DCC: variants seen among roughly 807,000 people sequenced by gnomAD.
DCC encodes the protein DCC netrin 1 receptor, also known as netrin receptor DCC.
Under a neutral mutation model 172.5 loss-of-function variants are expected in DCC, and 58 were observed. The observed-to-expected ratio is 0.34, with a 90% CI of 0.27 to 0.42. The LOEUF (loss-of-function observed/expected upper bound fraction) is 0.42, where lower values mean the gene tolerates loss of function less well. DCC is among the 10% of genes least tolerant of loss of function. The pLI is 1.00. For missense variants in DCC, 1,740 were observed against 1,791.0 expected (o/e 0.97, Z 0.51); for synonymous variants, 709 against 644.5 (o/e 1.10, Z -1.52).
intron 1 of DCC, among the ~76,000 whole-genome samples, chr18:52,524,647 C>T (rs1485465776): frequency 6.6e-6 from 1 of 152,104 alleles, no homozygotes; most frequent in African/African-American, 2.4e-5. Flanking sequence ...AAGAATAAAT[C>T]AATTATATGC....
In DCC at chr18:53,159,814, C is replaced by T. The variant is rs144576475; in HGVS notation, c.1418+2302C>T. Among the ~76,000 whole-genome samples the T allele has an allele frequency of 8.0e-3, 1,215 of 152,028 alleles. 17 individuals are homozygous for T. Among genetic ancestry groups the T allele is most frequent in the African/African-American group, 0.027 (1,122 of 41,478 alleles). ...TCTGTATTTAATAATGTATTAAATA[C>T]GAATAATACTTTTTTGGTAAAAGGA... On this transcript the variant is annotated intron_variant, in intron 8 of 28. Coordinates refer to ENST00000442544, the MANE Select transcript of DCC (RefSeq NM_005215.4).
At chr18:52,820,109 C>G (rs1203717315) in intron 2 of DCC, among the ~76,000 whole-genome samples, 1 of 152,132 alleles carries the variant, frequency 6.6e-6, no homozygotes, top group Non-Finnish European at 1.5e-5. Flanking sequence ...TGGTTTCATT[C>G]ACCCCACTTG....
chr18:52,438,092 C>G (rs1295918851), intron 1 of DCC, among the ~76,000 whole-genome samples: 1 of 152,182 alleles, frequency 6.6e-6, no homozygotes. Flanking sequence ...TTGCTGCTAA[C>G]CATTCCCAGT....
intron 7 of DCC, among the ~76,000 whole-genome samples, chr18:53,102,463 G>A (rs772696572): frequency 1.3e-5 from 2 of 152,104 alleles, no homozygotes; most frequent in South Asian, 4.2e-4. Context: ...CTCTGCAAGG[G>A]TGTCTATATT....
At chr18:53,092,549 T>G (rs1158282941) in intron 7 of DCC, among the ~76,000 whole-genome samples, 1 of 152,134 alleles carries the variant, frequency 6.6e-6, no homozygotes, top group East Asian at 1.9e-4. Context: ...AATAAAAATC[T>G]CCTAGGTAGA....
At chr18:53,104,134 T>C (rs561334326) in intron 7 of DCC, among the ~76,000 whole-genome samples, 1 of 152,188 alleles carries the variant, frequency 6.6e-6, no homozygotes, top group Non-Finnish European at 1.5e-5. Flanking sequence ...TGGTGCAGCA[T>C]GGCAGTGATC....
intron 5 of DCC, among the ~76,000 whole-genome samples, chr18:52,975,862 G>T (rs887496674): frequency 2.6e-5 from 4 of 152,054 alleles, no homozygotes; most frequent in Non-Finnish European, 4.4e-5. Flanking sequence ...TTATTTCTTT[G>T]GGTATATACG....
At position 53,416,121 on chromosome 18, in the gene DCC, C is replaced by T; in HGVS notation, c.3131-3C>T. The T allele has an allele frequency of 6.2e-7, 1 of 1,607,718 alleles. No individual in the cohort carries two copies. Among genetic ancestry groups the T allele is most frequent in the Non-Finnish European group, 8.5e-7 (1 of 1,174,320 alleles). The stretch of plus-strand genomic sequence containing the variant: ...AATAATGTTATTTCTTTTTCCCCCG[C>T]AGTGGAACACCCTGACAAAATGGCT... On this transcript the variant is annotated splice_region_variant and splice_polypyrimidine_tract_variant and intron_variant, in intron 20 of 28. Coordinates refer to ENST00000442544, the MANE Select transcript of DCC (RefSeq NM_005215.4).
chr18:52,887,325 T>A (rs763204404), intron 2 of DCC, among the ~76,000 whole-genome samples: 1 of 152,068 alleles, frequency 6.6e-6, no homozygotes, highest in South Asian at 2.1e-4. Context: ...TTTTAAACTA[T>A]CATCAACATG....
chr18:53,441,706 A>G (rs991098655), intron 22 of DCC, among the ~76,000 whole-genome samples: 1 of 152,146 alleles, frequency 6.6e-6, no homozygotes, highest in Non-Finnish European at 1.5e-5. Context: ...AGGTCAAGCT[A>G]TCATCATCTC....
intron 5 of DCC, among the ~76,000 whole-genome samples, chr18:53,044,277 G>T (rs1443902346): frequency 2.0e-5 from 3 of 151,778 alleles, no homozygotes; most frequent in Non-Finnish European, 4.4e-5. Flanking sequence ...TTGGAAAAAA[G>T]AGAAAAATGA....
At chr18:52,757,613 C>A (rs371205237) in intron 2 of DCC, among the ~76,000 whole-genome samples, 5 of 151,992 alleles carry the variant, frequency 3.3e-5, no homozygotes, top group African/African-American at 1.2e-4. Context: ...GTGGGACAGG[C>A]TCCTCCAAGG....
chr18:53,460,902 G>T (rs1184677466), intron 24 of DCC, among the ~76,000 whole-genome samples: 2 of 152,064 alleles, frequency 1.3e-5, no homozygotes, highest in African/African-American at 4.8e-5. Context: ...CACCAACAGT[G>T]TAAAAGTGTT....
intron 2 of DCC, among the ~76,000 whole-genome samples, chr18:52,899,649 C>G (rs774443323): frequency 6.6e-6 from 1 of 151,822 alleles, no homozygotes; most frequent in Non-Finnish European, 1.5e-5. Flanking sequence ...GCCACCGTGC[C>G]CGGCCTTAAA....
chr18:52,792,798 CCATTCCAGTT>C (rs2037798448), intron 2 of DCC, among the ~76,000 whole-genome samples: 4 of 151,914 alleles, frequency 2.6e-5, no homozygotes, highest in African/African-American at 9.6e-5. Context: ...CCATTCCATT[CCATTCCAGTT>C]GATTCAATTC....
chr18:53,016,965 A>G (rs1344974187), intron 5 of DCC, among the ~76,000 whole-genome samples: 2 of 152,020 alleles, frequency 1.3e-5, no homozygotes, highest in Non-Finnish European at 2.9e-5. Flanking sequence ...AATATTTTGT[A>G]TTAACATGCG....
chr18:52,521,161 G>A (rs1460037514), intron 1 of DCC, among the ~76,000 whole-genome samples: 1 of 148,724 alleles, frequency 6.7e-6, no homozygotes, highest in Non-Finnish European at 1.5e-5. Flanking sequence ...GAAAAAAAAT[G>A]CATACTTGAA....
At chr18:53,390,442 G>T (rs1467271449) in intron 16 of DCC, among the ~76,000 whole-genome samples, 2 of 151,966 alleles carry the variant, frequency 1.3e-5, no homozygotes, top group Non-Finnish European at 2.9e-5. Context: ...CTTTAAACTA[G>T]GCTGTTGAAA....
chr18:52,405,793 C>T (rs879841829), intron 1 of DCC, among the ~76,000 whole-genome samples: 1 of 150,978 alleles, frequency 6.6e-6, no homozygotes, highest in Admixed American at 6.6e-5. Context: ...GCTACCAATG[C>T]CTTTCTTCAC....
Sources: allele counts gnomAD v4.1 joint callset (sites outside exome capture counted in the v4.1 genomes callset), GRCh38; gene constraint gnomAD v4.1.1; transcripts MANE v1.5; gene names NCBI Gene and HGNC (gene_info 2026-07-23, HGNC 2026-07-21).